STAB1: variants seen among roughly 807,000 people sequenced by gnomAD.
STAB1 encodes stabilin-1.
In STAB1, 250 loss-of-function variants were observed where a neutral mutation model predicts 332.4. The ratio of observed to expected loss-of-function variants is 0.75; its 90% CI spans 0.68 to 0.84. The LOEUF (loss-of-function observed/expected upper bound fraction) is 0.84, where lower values mean the gene tolerates loss of function less well. Among genes scored for constraint, STAB1 ranks in the 40% least tolerant of loss-of-function variants. The pLI, the probability that STAB1 is intolerant of heterozygous loss-of-function variation, is 0.00. For synonymous variants in STAB1, 1,475 were observed against 1,390.4 expected (o/e 1.06, Z -1.35); for missense variants, 3,249 against 3,489.7 (o/e 0.93, Z 1.74).
At chr3:52,505,849 C>T in intron 15 of STAB1, 34 bp from the exon 16 acceptor site, 1 of 1,614,008 alleles carries the variant, frequency 6.2e-7, no homozygotes, top group South Asian at 1.1e-5. Flanking sequence ...CCCACAGTTC[C>T]TCCAGGAGCC....
chr3:52,497,838 G>T (rs964482839), intron 1 of STAB1, among the ~76,000 whole-genome samples: 1 of 152,202 alleles, frequency 6.6e-6, no homozygotes, highest in African/African-American at 2.4e-5. Flanking sequence ...TGAGGGGAAA[G>T]GATATCCCGG....
chr3:52,512,696 T>G (rs1709382793), intron 28 of STAB1, 53 bp downstream of exon 28: 2 of 1,612,848 alleles, frequency 1.2e-6, no homozygotes, highest in Admixed American at 3.3e-5. Context: ...GAGGCCTGCC[T>G]GGATGGAGGG....
In STAB1 at chr3:52,523,773, G is replaced by T. The variant is rs1177425127; in HGVS notation, c.7395+17G>T. 6.3e-7 allele frequency: 1 copy of T among 1,593,392 alleles called. No homozygotes were observed. Among genetic ancestry groups the T allele is most frequent in the South Asian group, 1.1e-5 (1 of 90,240 alleles). Reference sequence around the variant, plus strand: ...CCACAGCCCGTGAGTTGAGGAAGGGGGAGGCAGAGCCCTTCCTGGCACCCC... The same window carrying T: ...CCACAGCCCGTGAGTTGAGGAAGGGTGAGGCAGAGCCCTTCCTGGCACCCC... On this transcript the variant is annotated intron_variant, in intron 66 of 68. Coordinates refer to ENST00000321725, the MANE Select transcript of STAB1 (RefSeq NM_015136.3).
At chr3:52,503,604 T>A in intron 8 of STAB1, 64 bp downstream of exon 8, 1 of 1,583,448 alleles carries the variant, frequency 6.3e-7, no homozygotes, top group Non-Finnish European at 8.6e-7. Flanking sequence ...TATGGGACCC[T>A]GGGCAAGTCA....
intron 57 of STAB1, 31 bp from the exon 58 acceptor site, chr3:52,521,813 C>T (rs754887256): frequency 1.9e-6 from 3 of 1,594,122 alleles, no homozygotes; most frequent in South Asian, 1.1e-5. Context: ...AACTACTAAC[C>T]TGGTTCTGGG....
chr3:52,506,509 C>G (rs371472797), intron 17 of STAB1, among the ~76,000 whole-genome samples, 183 bp from the exon 18 acceptor site: 1 of 152,222 alleles, frequency 6.6e-6, no homozygotes, highest in Non-Finnish European at 1.5e-5. Flanking sequence ...GGTAAGGACC[C>G]GCAGCCTGGA....
At chr3:52,521,151 C>A in intron 55 of STAB1, 146 bp downstream of exon 55, 1 of 1,200,350 alleles carries the variant, frequency 8.3e-7, no homozygotes, top group Non-Finnish European at 1.1e-6. Context: ...CGGGAGTGCT[C>A]GGGAGAGGCA....
At chr3:52,501,849 G>A in intron 3 of STAB1, 96 bp downstream of exon 3, 11 of 1,393,180 alleles carry the variant, frequency 7.9e-6, no homozygotes, top group Non-Finnish European at 8.9e-6. Flanking sequence ...CCTTCAACTT[G>A]TTTGTTTAAT....
intron 45 of STAB1, 129 bp downstream of exon 45, chr3:52,518,132 A>C: frequency 6.7e-7 from 1 of 1,498,744 alleles, no homozygotes; most frequent in Non-Finnish European, 8.9e-7. Flanking sequence ...CTGACCCCTG[A>C]TTGTACCTGG....
At position 52,523,056 on chromosome 3, in the gene STAB1, G is replaced by A; in HGVS notation, c.6942G>A (p.Val2314=). 1.9e-6 allele frequency: 3 copies of A among 1,570,120 alleles called. No individual in the cohort carries two copies. Among genetic ancestry groups the A allele is most frequent in the East Asian group, 2.2e-5 (1 of 44,490 alleles). The change falls in exon 63 of 69, where the codon GTG becomes GTA. Residue 2314 remains valine (V), a synonymous_variant. Transcript: ENST00000321725. ...DVACRCRNGF[V]GDGISTCNGK... ...CCTGCCGATGCCGAAATGGCTTCGT[G>A]GGTGACGGGATCAGCACGTGCAATG...
At chr3:52,518,246 G>T in intron 45 of STAB1, 66 bp from the exon 46 acceptor site, 1 of 1,601,554 alleles carries the variant, frequency 6.2e-7, no homozygotes, top group Non-Finnish European at 8.5e-7. Flanking sequence ...GGCCGCAGGT[G>T]CTGGGACAGG....
rs768785452 is a variant in STAB1, at chr3:52,508,258, T to A, written c.2149-15T>A. The A allele has an allele frequency of 2.0e-5, 32 of 1,606,164 alleles. No individual in the cohort carries two copies. The South Asian group carries it at 3.5e-4, about 18-fold the overall frequency. On this transcript the variant is annotated splice_polypyrimidine_tract_variant and intron_variant, in intron 20 of 68. Transcript: ENST00000321725. ...GGACCCAGATGGCCTCTTGGACCTG[T>A]TCTGTCTCTTATAGGAACAAGGCTG...
rs187528613 is a variant in STAB1, at chr3:52,508,647, C to T, written c.2235+288C>T. On this transcript the variant is annotated intron_variant, in intron 21 of 68. Transcript: ENST00000321725. ...GACCAGCCTGGTCAACATGGCAAAA[C>T]CCTGTCTGTACTAAAAATACAAAAA... is the stretch of plus-strand genomic sequence containing the variant. 14 of 386,852 alleles carry T rather than the reference C, an allele frequency of 3.6e-5. No homozygotes were observed. The Admixed American group carries it at 4.9e-4, about 14-fold the overall frequency. 24.0% of individuals were successfully genotyped at this position (386,852 alleles called of 1,614,324 possible).
At chr3:52,499,115 A>C (rs1230725500) in intron 1 of STAB1, among the ~76,000 whole-genome samples, 1 of 152,222 alleles carries the variant, frequency 6.6e-6, no homozygotes, top group Non-Finnish European at 1.5e-5. Context: ...TTTGGACCAC[A>C]GTGTGGTCAG....
Position 52,524,358 on chromosome 3 carries a change from G to A in STAB1, c.*2G>A, listed in dbSNP as rs759272732. On this transcript the variant is annotated 3_prime_UTR_variant, in exon 69 of 69. Transcript: ENST00000321725. ...CAGAGGATCCTCACAGTCAAGTGAC[G>A]AGGCTGGGGCTGAAAGCAGAAGCAT... 81 of 1,613,610 alleles carry A rather than the reference G, an allele frequency of 5.0e-5. No individual in the cohort carries two copies. Among genetic ancestry groups the A allele is most frequent in the Non-Finnish European group, 6.6e-5 (78 of 1,180,006 alleles).
chr3:52,506,897 A>G (rs1708918201), intron 18 of STAB1, 47 bp downstream of exon 18: 1 of 1,593,792 alleles, frequency 6.3e-7, no homozygotes, highest in Admixed American at 1.7e-5. Flanking sequence ...AACCCCTGTC[A>G]GCGCTGGAGC....
chr3:52,501,124 G>C, intron 1 of STAB1, 42 bp from the exon 2 acceptor site: 1 of 1,599,200 alleles, frequency 6.3e-7, no homozygotes, highest in African/African-American at 1.3e-5. Context: ...AGGACTGGGC[G>C]TGGGGTCCAG....
chr3:52,509,910 C>T lies in STAB1; in HGVS notation c.2388C>T (p.Gly796=). Residue 796 remains glycine, a synonymous_variant, in exon 23 of 69, where the codon GGC becomes GGT. Coordinates refer to ENST00000321725, the MANE Select transcript of STAB1 (RefSeq NM_015136.3). ...ATGGTCTCTGCGACAACCGCCCAGG[C>T]AGTGGGGGGGTGTGCCAGCAGGGCA... The part of the protein sequence containing the change: ...CVHGLCDNRP[G]SGGVCQQGTC... 1 of 1,613,054 alleles carries T rather than the reference C, an allele frequency of 6.2e-7. No homozygotes were observed.
At position 52,524,460 on chromosome 3, in the gene STAB1, A is replaced by G; in HGVS notation, c.*104A>G. 3 of 1,612,692 alleles carry G rather than the reference A, an allele frequency of 1.9e-6. No individual in the cohort carries two copies. Among genetic ancestry groups the G allele is most frequent in the Non-Finnish European group, 2.5e-6 (3 of 1,179,904 alleles). ...GGGCTGAGGGCCTGTCCCAGACAAT[A>G]AAGGTGCCCTCAGCGGATGTGGGCC... is the stretch of plus-strand genomic sequence containing the variant. On this transcript the variant is annotated 3_prime_UTR_variant, in exon 69 of 69. Transcript: ENST00000321725.
Sources: allele counts gnomAD v4.1 joint callset (sites outside exome capture counted in the v4.1 genomes callset), GRCh38; gene constraint gnomAD v4.1.1; transcripts MANE v1.5; gene names NCBI Gene and HGNC (gene_info 2026-07-23, HGNC 2026-07-21).